STEAP1B: variants seen among roughly 807,000 people sequenced by gnomAD.
STEAP1B encodes the protein STEAP family member 1B.
A neutral mutation model predicts 27.9 loss-of-function variants in STEAP1B; 13 were observed. The ratio of observed to expected loss-of-function variants is 0.47; its 90% confidence interval spans 0.30 to 0.74. The LOEUF is 0.74. Among genes scored for constraint, STEAP1B ranks in the 30% least tolerant of loss-of-function variants. The pLI is 0.06. For synonymous variants in STEAP1B, 86 were observed against 107.1 expected, an observed-to-expected ratio of 0.80 and a Z score of 1.22; for missense variants, 250 against 298.7, an observed-to-expected ratio of 0.84 and a Z score of 1.20.
intron 4 of STEAP1B, among the ~76,000 whole-genome samples, chr7:22,421,769 T>C (rs1583624936): frequency 6.6e-6 from 1 of 152,240 alleles, no homozygotes; most frequent in African/African-American, 2.4e-5. Context: ...CTACCCACCA[T>C]AGACATCCTT....
chr7:22,484,879 T>A (rs1366190275), intron 4 of STEAP1B, among the ~76,000 whole-genome samples: 1 of 152,202 alleles, frequency 6.6e-6, no homozygotes, highest in African/African-American at 2.4e-5. Context: ...AAGACTTCAG[T>A]GGAAAAAGTC....
intron 4 of STEAP1B, among the ~76,000 whole-genome samples, chr7:22,466,936 A>ATT (rs1685985842): frequency 6.6e-6 from 1 of 152,222 alleles, no homozygotes; most frequent in African/African-American, 2.4e-5. Context: ...AATGGGGACA[A>ATT]TAGCAACACC....
chr7:22,456,972 A>ATATATATATATATTT lies in STEAP1B; in HGVS notation c.762+35592_762+35593insAAATATATATATATA. Among the ~76,000 whole-genome samples the ATATATATATATATTT allele has an allele frequency of 1.5e-3, 86 of 57,066 alleles. 2 individuals carry two copies. The highest frequency in any genetic ancestry group is 5.8e-3 in the African/African-American group (83 of 14,268). 37.4% of individuals were successfully genotyped at this position (57,066 alleles called of 152,430 possible). A position where few individuals can be genotyped will look rare whatever the true frequency, so the allele number is the denominator to read the frequency against. ...GGCAGCTATATATATATATATATATATTTTTTTTTTTTTTAAGTATCCTGG... is the reference window on the plus strand; with the variant it reads ...GGCAGCTATATATATATATATATATATATATATATATATTTTTTTTTTTTTTTTTAAGTATCCTGG... On this transcript the variant is annotated intron_variant, in intron 4 of 4. Coordinates refer to ENST00000678116, the MANE Select transcript of STEAP1B (RefSeq NM_001382447.1).
chr7:22,436,955 T>A (rs544160049), intron 4 of STEAP1B, among the ~76,000 whole-genome samples: 3 of 152,286 alleles, frequency 2.0e-5, no homozygotes, highest in Admixed American at 6.5e-5. Context: ...GGCAAAGATT[T>A]CATGATGAAG....
At chr7:22,471,181 T>C (rs562683103) in intron 4 of STEAP1B, among the ~76,000 whole-genome samples, 123 of 152,310 alleles carry the variant, frequency 8.1e-4, no homozygotes, top group Non-Finnish European at 1.5e-3. Flanking sequence ...GCCTCAGCAC[T>C]GTACTGACTC....
intron 4 of STEAP1B, among the ~76,000 whole-genome samples, chr7:22,460,062 C>T (rs1425328789): frequency 1.3e-5 from 2 of 152,016 alleles, no homozygotes; most frequent in African/African-American, 4.8e-5. Flanking sequence ...ATAATCCTAG[C>T]GCTCTGGGAG....
At chr7:22,465,038 T>C (rs1325786448) in intron 4 of STEAP1B, among the ~76,000 whole-genome samples, 2 of 143,548 alleles carry the variant, frequency 1.4e-5, no homozygotes, top group Non-Finnish European at 3.0e-5. Flanking sequence ...CCAGCATCAC[T>C]ACTCTTGCAC....
intron 4 of STEAP1B, chr7:22,438,487 G>A: frequency 6.5e-7 from 1 of 1,548,290 alleles, no homozygotes; most frequent in Non-Finnish European, 8.7e-7. Context: ...TTTCATGCAT[G>A]CTTAAATCTG....
At chr7:22,465,902 A>C (rs1026266597) in intron 4 of STEAP1B, among the ~76,000 whole-genome samples, 1 of 152,170 alleles carries the variant, frequency 6.6e-6, no homozygotes, top group African/African-American at 2.4e-5. Context: ...TCCACCTGGC[A>C]GTCTTCATTT....
At position 22,468,194 on chromosome 7, in the gene STEAP1B, T is replaced by C. The variant is rs7776905; in HGVS notation, c.762+24371A>G. Among the ~76,000 whole-genome samples the C allele has an allele frequency of 5.4e-3, 825 of 152,278 alleles. 6 individuals carry two copies. Among genetic ancestry groups the C allele is most frequent in the African/African-American group, 0.019 (781 of 41,570 alleles). ...ATTATATATTTGGGATTATTTATAC[T>C]AAAAAAATTTATCTGAAATTCAAAT... On this transcript the variant is annotated intron_variant, in intron 4 of 4. Transcript: ENST00000678116.
intron 4 of STEAP1B, among the ~76,000 whole-genome samples, chr7:22,439,191 T>C (rs1429963830): frequency 1.3e-5 from 2 of 152,306 alleles, no homozygotes; most frequent in East Asian, 3.9e-4. Flanking sequence ...CAGTTTCACT[T>C]GTGCAGCTGC....
At chr7:22,470,899 C>T (rs892563530) in intron 4 of STEAP1B, among the ~76,000 whole-genome samples, 3 of 152,026 alleles carry the variant, frequency 2.0e-5, no homozygotes, top group African/African-American at 7.3e-5. Flanking sequence ...ATATAAAACC[C>T]TCATTTCACC....
rs74925933 is a variant in STEAP1B at position 22,483,679 on chromosome 7, G to A, written c.762+8886C>T. ...ATCAGTGATCTTTGATGTTACTACC[G>A]TAATTGTTTTGGGATACCACAACTC... On this transcript the variant is annotated intron_variant, in intron 4 of 4. Transcript: ENST00000678116. Among the ~76,000 whole-genome samples, 1,279 of 152,166 alleles carry A rather than the reference G, an allele frequency of 8.4e-3. 15 individuals are homozygous for A. The highest frequency in any genetic ancestry group is 0.029 in the African/African-American group (1,221 of 41,510).
chr7:22,437,972 G>A (rs555485155), intron 4 of STEAP1B, among the ~76,000 whole-genome samples: 1 of 152,188 alleles, frequency 6.6e-6, no homozygotes, highest in African/African-American at 2.4e-5. Flanking sequence ...TCATTATTGA[G>A]TTGTAGGCAC....
chr7:22,431,592 G>C (rs1272206697), intron 4 of STEAP1B, among the ~76,000 whole-genome samples: 2 of 152,208 alleles, frequency 1.3e-5, no homozygotes, highest in African/African-American at 4.8e-5. Context: ...CCTGTGCTCT[G>C]TTTGACCTTC....
chr7:22,494,330 G>A (rs1786399519), intron 2 of STEAP1B, among the ~76,000 whole-genome samples: 1 of 151,934 alleles, frequency 6.6e-6, no homozygotes, highest in Admixed American at 6.6e-5. Flanking sequence ...TGGTTATACA[G>A]TGAATCGTCA....
chr7:22,422,223 T>C (rs902330700), intron 4 of STEAP1B, among the ~76,000 whole-genome samples: 30 of 152,292 alleles, frequency 2.0e-4, no homozygotes, highest in Admixed American at 1.8e-3. Context: ...CCTGTGCATG[T>C]GTGTGTGTGG....
chr7:22,437,728 A>G (rs1460326854), intron 4 of STEAP1B, among the ~76,000 whole-genome samples: 1 of 152,200 alleles, frequency 6.6e-6, no homozygotes, highest in African/African-American at 2.4e-5. Flanking sequence ...TCAACAGTGT[A>G]AAAGGTTTTT....
At position 22,431,300 on chromosome 7, in the gene STEAP1B, T is replaced by C. The variant is rs1022744298; in HGVS notation, c.763-11464A>G. Among the ~76,000 whole-genome samples, 3 of 152,276 alleles carry C rather than the reference T, an allele frequency of 2.0e-5. No individual in the cohort carries two copies. In the South Asian group the frequency reaches 6.2e-4, roughly 32 times the overall value. On this transcript the variant is annotated intron_variant, in intron 4 of 4. Coordinates refer to ENST00000678116, the MANE Select transcript of STEAP1B (RefSeq NM_001382447.1). ...TGTTTGCAAAATGGCTGGAAGCAGC[T>C]TTAGGGACTGCTTGTTTCCTCAATT...
Sources: gnomAD v4.1 joint callset for allele counts (sites outside exome capture counted in the v4.1 genomes callset) on GRCh38, gnomAD v4.1.1 for gene constraint, MANE v1.5 for transcripts, NCBI Gene and HGNC (gene_info 2026-07-23, HGNC 2026-07-21) for gene names.